MIER2: variants seen among roughly 807,000 people sequenced by gnomAD.
The protein encoded by MIER2 is MIER family member 2.
MIER2 carries 30 observed loss-of-function variants against 67.6 expected under a neutral mutation model. The observed-to-expected ratio is 0.44, with a 90% CI of 0.33 to 0.60. MIER2 has a LOEUF of 0.60. Ranked by LOEUF, MIER2 falls within the 20% of genes least tolerant of loss-of-function variation. The probability of loss-of-function intolerance (pLI) is 0.02; values close to 1 mark genes in which losing one functional copy is unlikely to be tolerated. For missense variants in MIER2, 702 were observed against 745.1 expected (o/e 0.94, Z 0.67); for synonymous variants, 372 against 312.6 (o/e 1.19, Z -2.00).
intron 8 of MIER2, 86 bp downstream of exon 8, chr19:313,406 C>G: frequency 6.5e-7 from 1 of 1,550,368 alleles, no homozygotes; most frequent in Non-Finnish European, 8.7e-7. Flanking sequence ...TCTGCCCTCC[C>G]TGGCCCCTGG....
At position 327,087 on chromosome 19, in the gene MIER2, G is replaced by C. The variant is rs756661049; in HGVS notation, c.493+46C>G. On this transcript the variant is annotated intron_variant, in intron 5 of 13. Coordinates refer to ENST00000264819, the MANE Select transcript of MIER2 (RefSeq NM_017550.3). ...CCTTCATCAAGCATCACGACTGCCT[G>C]GCAGGGGGCCTGGCTGCGGTGGAGT... 5.2e-6 allele frequency: 8 copies of C among 1,552,780 alleles called. No homozygotes were observed. In the South Asian group the frequency reaches 7.3e-5, roughly 14 times the overall value.
At chr19:325,310 C>T (rs72984498) in intron 7 of MIER2, among the ~76,000 whole-genome samples, 22,352 of 152,236 alleles carry the variant, frequency 0.15, 2,091 homozygotes, top group African/African-American at 0.25. Context: ...ACAGAGCCAT[C>T]GAATGCAGCG....
At chr19:316,960 C>T (rs1971261277) in intron 7 of MIER2, among the ~76,000 whole-genome samples, 1 of 152,104 alleles carries the variant, frequency 6.6e-6, no homozygotes, top group African/African-American at 2.4e-5. Flanking sequence ...CAGAACAAGA[C>T]TCTATCTCAA....
In MIER2 at chr19:308,660, G is replaced by A. The variant is rs764461813; in HGVS notation, c.1115C>T (p.Ala372Val). ...GTCGCTGCCATCCAGGTCCTGGTCT[G>A]CGTCCCTGTGGGGAGAGGGCGCCAT... ...RKYVPSGTTD[A>V]DQDLDGSDPD... The change falls in exon 12 of 14, where the codon GCA becomes GTA. Residue 372 changes from alanine (A) to valine (V), a missense_variant. This residue lies in a region of MIER2 where 254 missense variants were observed against 262.8 expected (regional missense o/e 0.97). Coordinates refer to ENST00000264819, the MANE Select transcript of MIER2 (RefSeq NM_017550.3). This position sits in a 1 kb window ranked among gnomAD's most constrained non-coding sequence, Gnocchi z 9.1. 6.2e-7 allele frequency: 1 copy of A among 1,601,890 alleles called. No individual in the cohort carries two copies.
chr19:339,636 C>G (rs530774522), intron 1 of MIER2, among the ~76,000 whole-genome samples: 3 of 152,210 alleles, frequency 2.0e-5, no homozygotes, highest in Non-Finnish European at 4.4e-5. Flanking sequence ...GCACTAGCAA[C>G]GGGGCAAAGA....
At chr19:317,513 CGAGACTCTGTCTCAGAAAAAATAAATAAA>C (rs1971299210) in intron 7 of MIER2, among the ~76,000 whole-genome samples, 1 of 135,706 alleles carries the variant, frequency 7.4e-6, no homozygotes, top group Non-Finnish European at 1.6e-5. Context: ...GGTGACAAAG[CGAGACTCTGTCTCAGAAAAAATAAATAAA>C]TAAATAAATA....
At chr19:325,736 T>G (rs1271755013) in intron 6 of MIER2, 32 bp from the exon 7 acceptor site, 1 of 1,613,458 alleles carries the variant, frequency 6.2e-7, no homozygotes. Flanking sequence ...ATCAGGACAC[T>G]GAGGAGCATC....
chr19:336,478 C>G (rs1972263750), intron 1 of MIER2, among the ~76,000 whole-genome samples: 1 of 152,240 alleles, frequency 6.6e-6, no homozygotes, highest in Non-Finnish European at 1.5e-5. Context: ...CATGCTGCAA[C>G]CTGGATGAAG....
chr19:311,248 A>G (rs2145359407), intron 10 of MIER2, among the ~76,000 whole-genome samples: 1 of 152,358 alleles, frequency 6.6e-6, no homozygotes, highest in African/African-American at 2.4e-5. Context: ...GAAGGTTTTC[A>G]GCCAGAGATG....
chr19:343,164 AC>A (rs1252218745), intron 1 of MIER2, among the ~76,000 whole-genome samples: 5 of 152,212 alleles, frequency 3.3e-5, no homozygotes, highest in Admixed American at 6.5e-5. Flanking sequence ...GAGCAGCCGG[AC>A]CACAAGCTGC....
rs748973368 is a variant in MIER2, at chr19:307,257, G to A, written c.1478C>T (p.Pro493Leu). Residue 493 changes from proline (P) to leucine (L), a missense_variant, in exon 13 of 14, where the codon CCG becomes CTG. Transcript: ENST00000264819. Reference protein sequence around the residue: ...ISSHVDLSGDPEETVAPAQVA... With the variant: ...ISSHVDLSGDLEETVAPAQVA... ...CTGTGCTGGGGCCACAGTCTCCTCC[G>A]GATCCCCGCTGAGGTCCACATGGCT... 70 of 1,595,904 alleles carry A rather than the reference G, an allele frequency of 4.4e-5. No individual in the cohort carries two copies. Among genetic ancestry groups the A allele is most frequent in the Middle Eastern group, 1.6e-4 (1 of 6,070 alleles).
rs892022653 is a variant in MIER2, at chr19:306,196, C to G, written c.*494G>C. ...GCACTGAGTAGCAGCTGCCCACGAC[C>G]CCCAGGGCTGGGGCAGCCCGCGGCC... On this transcript the variant is annotated 3_prime_UTR_variant, in exon 14 of 14. Coordinates refer to ENST00000264819, the MANE Select transcript of MIER2 (RefSeq NM_017550.3). The G allele has an allele frequency of 5.8e-6, 1 of 173,034 alleles. No individual in the cohort carries two copies. Among genetic ancestry groups the G allele is most frequent in the Middle Eastern group, 2.4e-3 (1 of 424 alleles). The allele number at this position is 173,034 out of a possible 1,614,324, so 10.7% of individuals were successfully genotyped here.
intron 1 of MIER2, chr19:344,572 T>C (rs1165539738): frequency 1.5e-5 from 2 of 133,472 alleles, no homozygotes; most frequent in Non-Finnish European, 1.7e-5. Flanking sequence ...CCGGGGGAGT[T>C]GGGGGGTGGG....
intron 6 of MIER2, 117 bp downstream of exon 6, chr19:326,390 G>A (rs11882511): frequency 0.03 from 21,573 of 717,058 alleles, 1,466 homozygotes; most frequent in African/African-American, 0.09. Context: ...ACACGGCAGA[G>A]CCACGGCCGG....
At chr19:344,428 C>G in intron 1 of MIER2, 1 of 974,452 alleles carries the variant, frequency 1.0e-6, no homozygotes, top group Non-Finnish European at 1.2e-6. Flanking sequence ...GAACCGGAGC[C>G]GGACCCTGGA....
At chr19:315,355 G>C (rs960011137) in intron 7 of MIER2, among the ~76,000 whole-genome samples, 3 of 152,258 alleles carry the variant, frequency 2.0e-5, no homozygotes, top group Non-Finnish European at 4.4e-5. Flanking sequence ...AGAAGAGCGA[G>C]ACTCCGTCTC....
chr19:343,156 G>A (rs1600185093), intron 1 of MIER2, among the ~76,000 whole-genome samples: 2 of 152,206 alleles, frequency 1.3e-5, no homozygotes, highest in Admixed American at 6.5e-5. Flanking sequence ...GTTAACAGGA[G>A]CAGCCGGACC....
intron 7 of MIER2, among the ~76,000 whole-genome samples, chr19:316,867 G>A (rs1971256644): frequency 6.6e-6 from 1 of 151,984 alleles, no homozygotes; most frequent in Admixed American, 6.5e-5. Context: ...TACTTGGGAG[G>A]CTGAGGCAGG....
In MIER2 at chr19:308,117, C is replaced by T. The variant is rs763554739; in HGVS notation, c.1198+460G>A. On this transcript the variant is annotated intron_variant, in intron 12 of 13. Transcript: ENST00000264819. The surrounding 1 kb of genome is among the most constrained non-coding windows in gnomAD (Gnocchi z 9.1). ...CGTGTGGGTCTCCACCTTCGGACGC[C>T]ACATCAGACACCACCATCGGACATG... 2.0e-5 allele frequency among the ~76,000 whole-genome samples: 3 copies of T among 152,138 alleles called. No individual in the cohort carries two copies. Among genetic ancestry groups the T allele is most frequent in the Non-Finnish European group, 2.9e-5 (2 of 68,012 alleles).
Sources: gnomAD v4.1 joint callset for allele counts (sites outside exome capture counted in the v4.1 genomes callset) on GRCh38, gnomAD v4.1.1 for gene constraint, gnomAD v4.1.1 regional missense constraint, Gnocchi (gnomAD v3.1) non-coding constraint, MANE v1.5 for transcripts, NCBI Gene and HGNC (gene_info 2026-07-23, HGNC 2026-07-21) for gene names.